Variants in DOCK8 observed in about 807,000 individuals in gnomAD.
The protein encoded by DOCK8 is dedicator of cytokinesis protein 8.
In DOCK8, 141 loss-of-function variants were observed where a neutral mutation model predicts 245.6. The ratio of observed to expected loss-of-function variants is 0.57; its 90% CI spans 0.50 to 0.66. The LOEUF (loss-of-function observed/expected upper bound fraction) is 0.66. Among genes scored for constraint, DOCK8 ranks in the 30% least tolerant of loss-of-function variants. The pLI, the probability that DOCK8 is intolerant of heterozygous loss-of-function variation, is 0.00. For missense variants in DOCK8, 2,965 were observed against 2,603.4 expected (o/e 1.14, Z -3.02); for synonymous variants, 1,168 against 970.2 (o/e 1.20, Z -3.79).
intron 10 of DOCK8, among the ~76,000 whole-genome samples, chr9:332,866 C>T (rs967376399): frequency 6.6e-6 from 1 of 151,886 alleles, no homozygotes; most frequent in African/African-American, 2.4e-5. Flanking sequence ...CTGTGTTGCC[C>T]AGGCTGCTCT....
chr9:365,440 T>C (rs887976094), intron 14 of DOCK8, among the ~76,000 whole-genome samples: 3 of 152,252 alleles, frequency 2.0e-5, no homozygotes, highest in African/African-American at 7.2e-5. Flanking sequence ...TTACAGAGTT[T>C]GTACTTGATA....
intron 4 of DOCK8, among the ~76,000 whole-genome samples, chr9:290,355 C>T (rs1488122691): frequency 6.6e-6 from 1 of 152,004 alleles, no homozygotes; most frequent in African/African-American, 2.4e-5. Flanking sequence ...ATTCTTCTTC[C>T]AGTATGGCCC....
intron 7 of DOCK8, among the ~76,000 whole-genome samples, chr9:322,685 C>G (rs778034488): frequency 2.6e-5 from 4 of 152,200 alleles, no homozygotes; most frequent in Non-Finnish European, 5.9e-5. Context: ...ACTTACTACT[C>G]AGTACCAACC....
intron 1 of DOCK8, among the ~76,000 whole-genome samples, chr9:244,838 G>A (rs1017877499): frequency 3.3e-5 from 5 of 152,228 alleles, no homozygotes; most frequent in East Asian, 3.9e-4. Context: ...TTCCTAGTCC[G>A]TCTCTAGTTG....
At chr9:440,832 G>A (rs754001240) in intron 40 of DOCK8, among the ~76,000 whole-genome samples, 3 of 152,170 alleles carry the variant, frequency 2.0e-5, no homozygotes, top group Non-Finnish European at 2.9e-5. Context: ...TTGACCTCCT[G>A]GGCTCAGCCT....
chr9:409,284 C>T lies in DOCK8; in HGVS notation c.3530+2215C>T, dbSNP rs554125658. Among the ~76,000 whole-genome samples, 54 of 152,174 alleles carry T rather than the reference C, an allele frequency of 3.5e-4. 1 individual carries two copies. The highest frequency in any genetic ancestry group is 7.2e-4 in the Admixed American group (11 of 15,284). On this transcript the variant is annotated intron_variant, in intron 28 of 47. Coordinates refer to ENST00000432829, the MANE Select transcript of DOCK8 (RefSeq NM_203447.4). ...CTGGGTATATCCACAAGTGTCTATG[C>T]ATCGTTAAATCCACAGTGTTTTTCA...
intron 4 of DOCK8, among the ~76,000 whole-genome samples, chr9:295,139 A>G (rs2049201987): frequency 6.6e-6 from 1 of 152,020 alleles, no homozygotes. Context: ...CAGCCTGGGC[A>G]ACAAAGTGAG....
chr9:360,492 T>C (rs2052674668), intron 14 of DOCK8, among the ~76,000 whole-genome samples: 2 of 152,198 alleles, frequency 1.3e-5, no homozygotes, highest in South Asian at 2.1e-4. Flanking sequence ...GTATACTTTG[T>C]ATATCATTTT....
intron 14 of DOCK8, among the ~76,000 whole-genome samples, chr9:359,624 G>A (rs1483149691): frequency 6.6e-6 from 1 of 152,152 alleles, no homozygotes; most frequent in Non-Finnish European, 1.5e-5. Flanking sequence ...ATCAGAAGAT[G>A]TTACTGACAT....
chr9:282,471 T>G (rs1389600098), intron 2 of DOCK8, among the ~76,000 whole-genome samples: 122 of 148,152 alleles, frequency 8.2e-4, no homozygotes, highest in Non-Finnish European at 1.2e-3. Flanking sequence ...CAGGCTGGAG[T>G]GCAGTGATGT....
intron 14 of DOCK8, among the ~76,000 whole-genome samples, chr9:358,166 C>A (rs1025511402): frequency 2.6e-5 from 4 of 152,108 alleles, no homozygotes; most frequent in Non-Finnish European, 4.4e-5. Context: ...CTCACTGCAG[C>A]CTTGAACTCC....
intron 15 of DOCK8, 53 bp from the exon 16 acceptor site, chr9:370,177 T>G: frequency 6.9e-7 from 1 of 1,451,764 alleles, no homozygotes. Context: ...GATAGTCAAT[T>G]TGATGTACCC....
intron 1 of DOCK8, among the ~76,000 whole-genome samples, chr9:242,526 C>T (rs890228325): frequency 7.2e-5 from 11 of 152,194 alleles, no homozygotes; most frequent in African/African-American, 2.7e-4. Context: ...TGAGCACCTG[C>T]TGTATCCCTC....
intron 1 of DOCK8, among the ~76,000 whole-genome samples, chr9:242,967 A>C (rs1419717397): frequency 6.6e-6 from 1 of 152,140 alleles, no homozygotes; most frequent in Non-Finnish European, 1.5e-5. Context: ...CTTCATCGGA[A>C]CTTGGAATAT....
intron 28 of DOCK8, among the ~76,000 whole-genome samples, chr9:408,861 AAC>A (rs71314709): frequency 0.038 from 5,578 of 147,408 alleles, 120 homozygotes; most frequent in African/African-American, 0.071. Context: ...ACATTCTTCA[AAC>A]ACACACACAC....
intron 14 of DOCK8, among the ~76,000 whole-genome samples, chr9:359,581 C>G (rs2052620189): frequency 6.6e-6 from 1 of 152,108 alleles, no homozygotes; most frequent in South Asian, 2.1e-4. Flanking sequence ...TTTGCAATTT[C>G]CTTCTGAATC....
chr9:379,034 T>G (rs1403878071), intron 20 of DOCK8, among the ~76,000 whole-genome samples: 1 of 151,702 alleles, frequency 6.6e-6, no homozygotes, highest in African/African-American at 2.4e-5. Flanking sequence ...TGGATGGGAG[T>G]GAGGAGGGCT....
At chr9:398,402 G>A (rs1489098786) in intron 25 of DOCK8, among the ~76,000 whole-genome samples, 2 of 152,162 alleles carry the variant, frequency 1.3e-5, no homozygotes, top group Non-Finnish European at 2.9e-5. Flanking sequence ...AAGCAAAATA[G>A]TTTCAAACCA....
intron 14 of DOCK8, among the ~76,000 whole-genome samples, chr9:353,969 T>C (rs1235977240): frequency 6.6e-6 from 1 of 152,214 alleles, no homozygotes; most frequent in Non-Finnish European, 1.5e-5. Context: ...TTTATACTTT[T>C]AGAAATTCTC....
Sources: allele counts gnomAD v4.1 joint callset (sites outside exome capture counted in the v4.1 genomes callset), GRCh38; gene constraint gnomAD v4.1.1; transcripts MANE v1.5; gene names NCBI Gene and HGNC (gene_info 2026-07-23, HGNC 2026-07-21).